The following IGF2BP3 variants were observed in gnomAD, a reference collection of about 807,000 sequenced individuals.
IGF2BP3 encodes the protein insulin-like growth factor 2 mRNA-binding protein 3.
IGF2BP3 carries 9 observed loss-of-function variants against 73.8 expected under a neutral mutation model. The ratio of observed to expected loss-of-function variants is 0.12; its 90% CI spans 0.07 to 0.21. IGF2BP3 has a LOEUF of 0.21. Ranked by LOEUF, IGF2BP3 falls within the 10% of genes least tolerant of loss-of-function variation. The pLI is 1.00. For missense variants in IGF2BP3, 542 were observed against 714.0 expected (o/e 0.76, Z 2.75); for synonymous variants, 258 against 256.7 (o/e 1.01, Z -0.05).
chr7:23,334,443 C>T (rs1784521158), intron 10 of IGF2BP3, among the ~76,000 whole-genome samples: 1 of 152,234 alleles, frequency 6.6e-6, no homozygotes, highest in Non-Finnish European at 1.5e-5. Flanking sequence ...ACTTGCAAAA[C>T]TCAGCAGGCA....
intron 3 of IGF2BP3, among the ~76,000 whole-genome samples, chr7:23,376,260 T>TA (rs1009987832): frequency 6.6e-6 from 1 of 151,802 alleles, no homozygotes; most frequent in African/African-American, 2.4e-5. Flanking sequence ...ATTTAGCAAT[T>TA]AAAAAAAGCC....
In IGF2BP3 at chr7:23,361,609, G is replaced by GA; in HGVS notation, c.338-13dup. 6.2e-7 allele frequency: 1 copy of GA among 1,613,506 alleles called. No individual in the cohort carries two copies. Among genetic ancestry groups the GA allele is most frequent in the Non-Finnish European group, 8.5e-7 (1 of 1,179,656 alleles). ...CGAGTCAGTGTTCACTAGAGGAAGA[G>GA]AAAAACGAAGAGAATAAAAGTTAGT... On this transcript the variant is annotated splice_polypyrimidine_tract_variant and intron_variant, in intron 4 of 14. Transcript: ENST00000258729.
At chr7:23,385,757 G>C (rs926480720) in intron 3 of IGF2BP3, among the ~76,000 whole-genome samples, 1 of 151,686 alleles carries the variant, frequency 6.6e-6, no homozygotes, top group African/African-American at 2.4e-5. Flanking sequence ...TAGAAAGAGA[G>C]ACAGGGTCTC....
chr7:23,313,699 G>A (rs1226290158), intron 12 of IGF2BP3, 46 bp from the exon 13 acceptor site: 1 of 1,595,768 alleles, frequency 6.3e-7, no homozygotes, highest in Non-Finnish European at 8.5e-7. Context: ...TGTATGAAAT[G>A]GAAAAGGTCA....
At chr7:23,416,035 T>C (rs1392161592) in intron 3 of IGF2BP3, 1 of 152,142 alleles carries the variant, frequency 6.6e-6, no homozygotes, top group Non-Finnish European at 1.5e-5. Flanking sequence ...TCATGCATAA[T>C]CCTATTTAAT....
intron 2 of IGF2BP3, among the ~76,000 whole-genome samples, chr7:23,445,568 T>TA (rs1355361878): frequency 2.0e-5 from 3 of 152,164 alleles, no homozygotes; most frequent in Non-Finnish European, 2.9e-5. Context: ...GAAAATAGCT[T>TA]AAGATTCCAT....
chr7:23,430,886 T>C (rs1464631073), intron 2 of IGF2BP3, among the ~76,000 whole-genome samples: 1 of 152,096 alleles, frequency 6.6e-6, no homozygotes, highest in African/African-American at 2.4e-5. Context: ...AGGAAGAACT[T>C]AGAGGTCCAG....
chr7:23,333,541 A>C (rs1436371497), intron 10 of IGF2BP3, among the ~76,000 whole-genome samples: 1 of 152,238 alleles, frequency 6.6e-6, no homozygotes, highest in Non-Finnish European at 1.5e-5. Context: ...GCTTAAGCAT[A>C]AACTTAAGAG....
At chr7:23,391,097 C>CTTTTTT (rs773815068) in intron 3 of IGF2BP3, among the ~76,000 whole-genome samples, 1 of 105,884 alleles carries the variant, frequency 9.4e-6, no homozygotes, top group Non-Finnish European at 1.9e-5. Flanking sequence ...TCGCGCCTGG[C>CTTTTTT]TTTTTTTTTT....
chr7:23,312,599 G>GAA lies in IGF2BP3; in HGVS notation c.1641+134_1641+135dup, dbSNP rs940227120. On this transcript the variant is annotated intron_variant, in intron 14 of 14. Transcript: ENST00000258729. Reference sequence around the variant, plus strand: ...ACTAGTCAGTTTGCTAGTAGTCTCTGAAATCACCCGCTAAAAGGGAGATGA... The same window carrying GAA: ...ACTAGTCAGTTTGCTAGTAGTCTCTGAAAAATCACCCGCTAAAAGGGAGATGA... 4 of 884,072 alleles carry GAA rather than the reference G, an allele frequency of 4.5e-6. No homozygotes were observed. The African/African-American group carries it at 6.7e-5, about 15-fold the overall frequency. The allele number at this position is 884,072 out of a possible 1,614,324, so 54.8% of individuals were successfully genotyped here. A position where few individuals can be genotyped will look rare whatever the true frequency, so the allele number is the denominator to read the frequency against.
chr7:23,350,132 T>C (rs3807459), intron 6 of IGF2BP3, among the ~76,000 whole-genome samples: 62,143 of 151,954 alleles, frequency 0.41, 12,958 homozygotes, highest in Middle Eastern at 0.5. Flanking sequence ...TTTTTGGTTC[T>C]ACATGAGAAA....
chr7:23,463,073 G>A (rs1004300582), intron 2 of IGF2BP3, among the ~76,000 whole-genome samples: 4 of 152,206 alleles, frequency 2.6e-5, no homozygotes, highest in African/African-American at 4.8e-5. Flanking sequence ...AGAGGCAACA[G>A]TTGATAAAGG....
chr7:23,352,863 CT>C (rs1310412964), intron 5 of IGF2BP3, among the ~76,000 whole-genome samples: 4 of 151,956 alleles, frequency 2.6e-5, no homozygotes, highest in Non-Finnish European at 4.4e-5. Context: ...TATCTGGAAA[CT>C]TTTAATTTAT....
intron 12 of IGF2BP3, 117 bp downstream of exon 12, chr7:23,317,522 G>C: frequency 2.7e-6 from 2 of 750,902 alleles, no homozygotes; most frequent in Non-Finnish European, 2.3e-6. Context: ...TCAGCTCTTA[G>C]ATAAGAATTT....
intron 6 of IGF2BP3, among the ~76,000 whole-genome samples, chr7:23,350,721 C>T (rs531997241): frequency 2.0e-5 from 3 of 152,352 alleles, no homozygotes; most frequent in East Asian, 1.9e-4. Context: ...AAATAGTTCC[C>T]GCTTTCTGCT....
chr7:23,327,524 G>A (rs1283271849), intron 10 of IGF2BP3, among the ~76,000 whole-genome samples: 10 of 151,892 alleles, frequency 6.6e-5, no homozygotes, highest in South Asian at 2.1e-4. Context: ...CTCGTGATCC[G>A]CCCGCCTCGG....
At chr7:23,316,674 CAAAAAAAAAAAAAAAAAA>C (rs1271667588) in intron 12 of IGF2BP3, among the ~76,000 whole-genome samples, 1 of 50,122 alleles carries the variant, frequency 2.0e-5, no homozygotes, top group Non-Finnish European at 4.3e-5. Flanking sequence ...GACTCTGTCT[CAAAAAAAAAAAAAAAAAA>C]AAGAGAAAAA....
At chr7:23,367,772 G>A (rs1785422317) in intron 3 of IGF2BP3, among the ~76,000 whole-genome samples, 1 of 152,110 alleles carries the variant, frequency 6.6e-6, no homozygotes, top group African/African-American at 2.4e-5. Flanking sequence ...TGGCCGAGGT[G>A]GGTGGATCAC....
intron 2 of IGF2BP3, among the ~76,000 whole-genome samples, chr7:23,435,763 C>T (rs2128543385): frequency 6.9e-6 from 1 of 145,710 alleles, no homozygotes; most frequent in African/African-American, 2.5e-5. Context: ...GCCTTTTTGT[C>T]TTTGTTTGTT....
Sources: allele counts gnomAD v4.1 joint callset (sites outside exome capture counted in the v4.1 genomes callset), GRCh38; gene constraint gnomAD v4.1.1; transcripts MANE v1.5; gene names NCBI Gene and HGNC (gene_info 2026-07-23, HGNC 2026-07-21).